FAAH2: variants seen among roughly 807,000 people sequenced by gnomAD.
FAAH2 encodes fatty acid amide hydrolase 2.
FAAH2 carries 60 observed loss-of-function variants against 36.9 expected under a neutral mutation model. That is an observed-to-expected ratio of 1.63 (90% confidence interval 1.32 to 2.02). The LOEUF is 2.02. FAAH2 is among the 30% of genes most tolerant of loss of function. The probability of loss-of-function intolerance (pLI) is 0.00; values close to 1 mark genes in which losing one functional copy is unlikely to be tolerated. For synonymous variants in FAAH2, 214 were observed against 143.8 expected (o/e 1.49, Z -3.49); for missense variants, 689 against 397.5 (o/e 1.73, Z -6.23).
At chrX:57,203,582 C>A in the FAAH2 span, among the ~76,000 whole-genome samples, 1 of 112,132 alleles carries the variant, frequency 8.9e-6, no homozygotes, top group African/African-American at 3.2e-5. Flanking sequence ...TCACAGTGAG[C>A]TACTTCTCGC....
intron 8 of FAAH2, among the ~76,000 whole-genome samples, chrX:57,444,947 C>A (rs2056642285): frequency 8.9e-6 from 1 of 112,004 alleles, no homozygotes; most frequent in African/African-American, 3.2e-5. Context: ...CTCTGCCTGA[C>A]AATTCACATA....
At chrX:57,451,124 G>A (rs965954823) in intron 10 of FAAH2, among the ~76,000 whole-genome samples, 5 of 111,306 alleles carry the variant, frequency 4.5e-5, no homozygotes, top group African/African-American at 1.3e-4. Flanking sequence ...ATACGAACTG[G>A]GACTTTAACC....
chrX:57,484,854 C>T (rs978550838), intron 10 of FAAH2, among the ~76,000 whole-genome samples: 5 of 110,984 alleles, frequency 4.5e-5, no homozygotes, highest in African/African-American at 1.3e-4. Flanking sequence ...ATGACATTTA[C>T]GAGTCCTGAA....
intron 2 of FAAH2, among the ~76,000 whole-genome samples, chrX:57,301,594 C>T (rs928790600): frequency 2.5e-5 from 2 of 79,973 alleles, no homozygotes; most frequent in Non-Finnish European, 4.8e-5. Context: ...CACATGTACC[C>T]TAAAACTTAA....
intron 7 of FAAH2, among the ~76,000 whole-genome samples, chrX:57,413,617 C>A (rs1472809567): frequency 2.7e-5 from 3 of 111,755 alleles, no homozygotes; most frequent in Non-Finnish European, 5.6e-5. Context: ...TTACTGTAGC[C>A]TTGCAGTATA....
intron 7 of FAAH2, chrX:57,394,739 A>G: frequency 3.4e-6 from 3 of 876,611 alleles, no homozygotes; most frequent in Non-Finnish European, 5.1e-6. Flanking sequence ...GCTAGGTTTG[A>G]TCCATTCCCC....
chrX:57,392,876 A>G (rs1220205418), intron 7 of FAAH2: 2 of 810,639 alleles, frequency 2.5e-6, no homozygotes, highest in East Asian at 6.3e-5. Flanking sequence ...GGAGATTCCC[A>G]AAGCCCTGCT....
At chrX:57,440,686 C>G (rs1422346405) in intron 8 of FAAH2, among the ~76,000 whole-genome samples, 1 of 111,589 alleles carries the variant, frequency 9.0e-6, no homozygotes, top group Non-Finnish European at 1.9e-5. Context: ...TGCCAGTTTT[C>G]AAAGGGAATG....
chrX:57,347,604 GTTTTTTTTTTTTTTTT>G (rs61323098), intron 5 of FAAH2, among the ~76,000 whole-genome samples: 48,551 of 77,872 alleles, frequency 0.62, 12,891 homozygotes, highest in Non-Finnish European at 0.76. Flanking sequence ...GGGATGCTAA[GTTTTTTTTTTTTTTTT>G]TTTTTTTTTT....
the FAAH2 span, among the ~76,000 whole-genome samples, chrX:57,253,902 G>A: frequency 2.7e-5 from 3 of 111,680 alleles, no homozygotes; most frequent in Non-Finnish European, 5.6e-5. Context: ...CATAATGACA[G>A]GGTCAAATTC....
At chrX:57,163,155 C>T in the FAAH2 span, among the ~76,000 whole-genome samples, 1 of 112,108 alleles carries the variant, frequency 8.9e-6, no homozygotes, top group Non-Finnish European at 1.9e-5. Flanking sequence ...TGGGGGGTGA[C>T]TCCCAGTTAT....
the FAAH2 span, among the ~76,000 whole-genome samples, chrX:57,174,050 G>A: frequency 0.12 from 13,553 of 110,015 alleles, 1,980 homozygotes; most frequent in African/African-American, 0.41. Context: ...CCCTTTCCTG[G>A]CTTTGGTATC....
chrX:57,265,014 C>T, the FAAH2 span, among the ~76,000 whole-genome samples: 1 of 111,866 alleles, frequency 8.9e-6, no homozygotes, highest in Non-Finnish European at 1.9e-5. Flanking sequence ...TCGGGAGTGA[C>T]ACAGAGCCAA....
chrX:57,270,206 G>A, the FAAH2 span, among the ~76,000 whole-genome samples: 1 of 111,721 alleles, frequency 9.0e-6, no homozygotes, highest in Non-Finnish European at 1.9e-5. Flanking sequence ...AATGAGCTCT[G>A]AAATGGAGGC....
At chrX:57,221,087 A>G in the FAAH2 span, among the ~76,000 whole-genome samples, 1 of 111,212 alleles carries the variant, frequency 9.0e-6, no homozygotes, top group African/African-American at 3.3e-5. Context: ...GTAGGAATTA[A>G]TGGACAAGTC....
intron 5 of FAAH2, among the ~76,000 whole-genome samples, chrX:57,353,129 C>T (rs2054068373): frequency 9.2e-6 from 1 of 109,069 alleles, no homozygotes; most frequent in Non-Finnish European, 1.9e-5. Flanking sequence ...AAAAAAGAAC[C>T]CTAATAACTA....
chrX:57,264,887 C>A, the FAAH2 span, among the ~76,000 whole-genome samples: 1 of 111,778 alleles, frequency 8.9e-6, no homozygotes, highest in East Asian at 2.8e-4. Flanking sequence ...GGAGAGGAAC[C>A]AAAGGGGCAG....
intron 10 of FAAH2, among the ~76,000 whole-genome samples, chrX:57,478,872 G>C (rs763733330): frequency 2.6e-4 from 29 of 111,806 alleles, no homozygotes; most frequent in South Asian, 7.5e-4. Context: ...CCAATACCAT[G>C]CTGTTTTGGT....
chrX:57,319,257 T>C (rs2052940356), intron 3 of FAAH2, among the ~76,000 whole-genome samples: 2 of 111,784 alleles, frequency 1.8e-5, no homozygotes, highest in Non-Finnish European at 3.8e-5. Context: ...GACATGATTG[T>C]ATGCTTAGAA....
Sources: gnomAD v4.1 joint callset for allele counts (sites outside exome capture counted in the v4.1 genomes callset) on GRCh38, gnomAD v4.1.1 for gene constraint, MANE v1.5 for transcripts, NCBI Gene and HGNC (gene_info 2026-07-23, HGNC 2026-07-21) for gene names.